PRKN: variants seen among roughly 807,000 people sequenced by gnomAD.
The protein encoded by PRKN is parkin RBR E3 ubiquitin protein ligase.
A neutral mutation model predicts 59.5 loss-of-function variants in PRKN; 56 were observed. The ratio of observed to expected loss-of-function variants is 0.94; its 90% CI spans 0.76 to 1.18. The LOEUF is 1.18. Among genes scored for constraint, PRKN ranks in the 50% most tolerant of loss-of-function variants. The pLI, the probability that PRKN is intolerant of heterozygous loss-of-function variation, is 0.00. For synonymous variants in PRKN, 250 were observed against 222.1 expected (o/e 1.13, Z -1.12); for missense variants, 657 against 596.4 (o/e 1.10, Z -1.06).
chr6:161,971,739 T>C (rs967479540), intron 6 of PRKN, among the ~76,000 whole-genome samples: 10 of 152,236 alleles, frequency 6.6e-5, no homozygotes, highest in African/African-American at 2.4e-4. Flanking sequence ...TGGGCTTCTA[T>C]TAATCAACAT....
At chr6:162,593,535 A>C (rs1048087337) in intron 1 of PRKN, among the ~76,000 whole-genome samples, 2 of 152,174 alleles carry the variant, frequency 1.3e-5, no homozygotes, top group African/African-American at 4.8e-5. Flanking sequence ...GAAATCTCAC[A>C]ATACGGTTCC....
chr6:162,363,664 T>C (rs560955631), intron 2 of PRKN, among the ~76,000 whole-genome samples: 1 of 152,254 alleles, frequency 6.6e-6, no homozygotes, highest in Non-Finnish European at 1.5e-5. Context: ...TTAAAAAGAT[T>C]ATTTGAAATG....
chr6:162,593,096 T>C (rs925129842), intron 1 of PRKN, among the ~76,000 whole-genome samples: 6 of 152,190 alleles, frequency 3.9e-5, no homozygotes, highest in African/African-American at 1.4e-4. Flanking sequence ...ACTCTTCTAC[T>C]GTCTGAATGT....
At chr6:162,481,775 A>G (rs1241897101) in intron 1 of PRKN, among the ~76,000 whole-genome samples, 3 of 152,188 alleles carry the variant, frequency 2.0e-5, no homozygotes, top group African/African-American at 7.2e-5. Flanking sequence ...AGAACTATAA[A>G]TTAAACATGA....
intron 7 of PRKN, among the ~76,000 whole-genome samples, chr6:161,774,271 G>A (rs570253185): frequency 1.3e-5 from 2 of 152,036 alleles, no homozygotes; most frequent in South Asian, 2.1e-4. Flanking sequence ...GTTATGTTTC[G>A]CCCTCCTCTC....
At chr6:161,777,108 T>C (rs1789957592) in intron 7 of PRKN, among the ~76,000 whole-genome samples, 2 of 152,182 alleles carry the variant, frequency 1.3e-5, no homozygotes, top group Admixed American at 1.3e-4. Context: ...TGAGGTTCCA[T>C]TCCTTCATTT....
intron 2 of PRKN, among the ~76,000 whole-genome samples, chr6:162,406,743 T>C (rs1359011991): frequency 1.3e-5 from 2 of 152,128 alleles, no homozygotes; most frequent in Non-Finnish European, 2.9e-5. Flanking sequence ...GCAAAGTCAG[T>C]GTCTACACCA....
At chr6:162,181,438 C>T (rs1199764199) in intron 4 of PRKN, among the ~76,000 whole-genome samples, 1 of 152,176 alleles carries the variant, frequency 6.6e-6, no homozygotes, top group Non-Finnish European at 1.5e-5. Context: ...ACAGCTTCTA[C>T]TTCAGATCAT....
chr6:161,844,839 G>A (rs1388322652), intron 6 of PRKN, among the ~76,000 whole-genome samples: 1 of 152,244 alleles, frequency 6.6e-6, no homozygotes, highest in Non-Finnish European at 1.5e-5. Flanking sequence ...GTGCAATGCT[G>A]ATGTCAGCCG....
Position 161,400,433 on chromosome 6 carries a change from A to G in PRKN, c.1084-13556T>C, listed in dbSNP as rs912681768. 1.3e-5 allele frequency among the ~76,000 whole-genome samples: 2 copies of G among 151,458 alleles called. No individual in the cohort carries two copies. The highest frequency in any genetic ancestry group is 2.4e-5 in the African/African-American group (1 of 41,138). ...AGCAATTCTCCTGCCTCAGCCTCCCAAGTAGCTGGAATTACAGGTGTGTGC... is the reference window on the plus strand; with the variant it reads ...AGCAATTCTCCTGCCTCAGCCTCCCGAGTAGCTGGAATTACAGGTGTGTGC... On this transcript the variant is annotated intron_variant, in intron 9 of 11. Transcript: ENST00000366898. The surrounding 1 kb of genome is among the most constrained non-coding windows in gnomAD (Gnocchi z 4.2).
At chr6:162,673,925 G>GTTA (rs1779436811) in intron 1 of PRKN, among the ~76,000 whole-genome samples, 1 of 152,156 alleles carries the variant, frequency 6.6e-6, no homozygotes, top group African/African-American at 2.4e-5. Flanking sequence ...TTCACCAGTT[G>GTTA]TTAGCACTGT....
intron 10 of PRKN, among the ~76,000 whole-genome samples, chr6:161,384,797 G>A (rs1020089975): frequency 2.6e-5 from 4 of 152,302 alleles, no homozygotes; most frequent in Middle Eastern, 3.4e-3. Context: ...GGGAAACCTG[G>A]AAGTGTTTTA....
intron 4 of PRKN, among the ~76,000 whole-genome samples, chr6:162,071,752 C>T (rs968258022): frequency 6.6e-6 from 1 of 152,110 alleles, no homozygotes; most frequent in Admixed American, 6.5e-5. Flanking sequence ...CATGGCACCA[C>T]ACCCACTAAT....
chr6:162,110,702 G>T (rs1385181395), intron 4 of PRKN, among the ~76,000 whole-genome samples: 1 of 152,114 alleles, frequency 6.6e-6, no homozygotes, highest in Non-Finnish European at 1.5e-5. Context: ...TGAAACAGGG[G>T]CGATGTCCTT....
Position 161,502,841 on chromosome 6 carries a change from G to T in PRKN, c.1083+46013C>A, listed in dbSNP as rs559668643. ...ATAAGTACATGCTCTGGAGTAGAAG[G>T]CTCTGGATTAAAAACCTGACTCCAC... On this transcript the variant is annotated intron_variant, in intron 9 of 11. Coordinates refer to ENST00000366898, the MANE Select transcript of PRKN (RefSeq NM_004562.3). This position sits in a 1 kb window ranked among gnomAD's most constrained non-coding sequence, Gnocchi z 4.0. 2.0e-5 allele frequency among the ~76,000 whole-genome samples: 3 copies of T among 152,154 alleles called. No homozygotes were observed. Among genetic ancestry groups the T allele is most frequent in the Admixed American group, 6.5e-5 (1 of 15,270 alleles).
At chr6:161,439,083 GA>G (rs1789064309) in intron 9 of PRKN, among the ~76,000 whole-genome samples, 1 of 152,226 alleles carries the variant, frequency 6.6e-6, no homozygotes, top group African/African-American at 2.4e-5. Context: ...TTCGAAAAGA[GA>G]AAGTAAGGTG....
At chr6:161,794,339 C>T (rs1336774685) in intron 6 of PRKN, among the ~76,000 whole-genome samples, 3 of 151,992 alleles carry the variant, frequency 2.0e-5, no homozygotes, top group African/African-American at 7.3e-5. Context: ...GCAGTGTGCC[C>T]CAGAGCAATG....
intron 7 of PRKN, among the ~76,000 whole-genome samples, chr6:161,690,853 T>A (rs957969130): frequency 6.6e-6 from 1 of 152,178 alleles, no homozygotes; most frequent in African/African-American, 2.4e-5. Context: ...GACTCCAGCT[T>A]GCAGATGGCA....
At chr6:161,479,499 T>A (rs1374960802) in intron 9 of PRKN, among the ~76,000 whole-genome samples, 1 of 152,146 alleles carries the variant, frequency 6.6e-6, no homozygotes, top group East Asian at 1.9e-4. Flanking sequence ...GCCACTTCCA[T>A]CTTGAGGAAG....
Sources: gnomAD v4.1 joint callset for allele counts (sites outside exome capture counted in the v4.1 genomes callset) on GRCh38, gnomAD v4.1.1 for gene constraint, Gnocchi (gnomAD v3.1) non-coding constraint, MANE v1.5 for transcripts, NCBI Gene and HGNC (gene_info 2026-07-23, HGNC 2026-07-21) for gene names.